IMMP2L: variants seen among roughly 807,000 people sequenced by gnomAD.
The protein encoded by IMMP2L is mitochondrial inner membrane protease subunit 2.
Under a neutral mutation model 19.3 loss-of-function variants are expected in IMMP2L, and 18 were observed. The ratio of observed to expected loss-of-function variants is 0.93; its 90% CI spans 0.64 to 1.38. The LOEUF (loss-of-function observed/expected upper bound fraction) is 1.38. IMMP2L is among the 40% of genes most tolerant of loss of function. IMMP2L has a pLI of 0.00. For missense variants in IMMP2L, 233 were observed against 218.2 expected (o/e 1.07, Z -0.43); for synonymous variants, 76 against 73.0 (o/e 1.04, Z -0.21).
At chr7:111,477,926 T>C (rs750065745) in intron 3 of IMMP2L, among the ~76,000 whole-genome samples, 1 of 152,070 alleles carries the variant, frequency 6.6e-6, no homozygotes, top group Non-Finnish European at 1.5e-5. Flanking sequence ...TTTATCTTCT[T>C]TGGTTTTCAG....
chr7:110,766,250 C>T (rs543098797), intron 5 of IMMP2L, among the ~76,000 whole-genome samples: 113 of 152,150 alleles, frequency 7.4e-4, no homozygotes, highest in Non-Finnish European at 1.5e-3. Flanking sequence ...TCTTAATAAA[C>T]TTGTATTTGA....
chr7:111,136,032 A>ATT (rs545975140), intron 3 of IMMP2L, among the ~76,000 whole-genome samples: 5 of 144,958 alleles, frequency 3.4e-5, no homozygotes, highest in African/African-American at 7.5e-5. Flanking sequence ...TCACCCTACA[A>ATT]TTTTTTTTTT....
At chr7:111,151,667 G>A (rs1311654762) in intron 3 of IMMP2L, among the ~76,000 whole-genome samples, 4 of 152,146 alleles carry the variant, frequency 2.6e-5, no homozygotes, top group African/African-American at 9.7e-5. Flanking sequence ...GGCCAGATGC[G>A]GTGGCTCACG....
chr7:110,990,333 C>T (rs1391587252), intron 3 of IMMP2L, among the ~76,000 whole-genome samples: 1 of 152,096 alleles, frequency 6.6e-6, no homozygotes, highest in Non-Finnish European at 1.5e-5. Flanking sequence ...AAGATTCAAA[C>T]TTAAATATTC....
chr7:111,115,590 A>G (rs1277372673), intron 3 of IMMP2L, among the ~76,000 whole-genome samples: 1 of 152,104 alleles, frequency 6.6e-6, no homozygotes, highest in African/African-American at 2.4e-5. Flanking sequence ...TAGCTGTACT[A>G]TAACTAGATT....
chr7:111,492,958 T>A lies in IMMP2L; in HGVS notation c.136-5617A>T, dbSNP rs550770330. On this transcript the variant is annotated intron_variant, in intron 2 of 5. Transcript: ENST00000405709. The stretch of plus-strand genomic sequence containing the variant: ...TAAGACTCTTCCACTCAGGTGTAAG[T>A]TTCTCAACTGCTGAAACCGTGTCTT... Among the ~76,000 whole-genome samples the A allele has an allele frequency of 5.6e-4, 85 of 152,266 alleles. 2 individuals are homozygous for A. Among genetic ancestry groups the A allele is most frequent in the African/African-American group, 1.9e-3 (79 of 41,556 alleles).
chr7:111,360,392 A>T (rs550361441), intron 3 of IMMP2L, among the ~76,000 whole-genome samples: 24 of 152,186 alleles, frequency 1.6e-4, no homozygotes, highest in Non-Finnish European at 2.8e-4. Flanking sequence ...TCCCAAGTAC[A>T]TACCTGTGTG....
intron 5 of IMMP2L, among the ~76,000 whole-genome samples, chr7:110,748,258 A>G (rs1297655029): frequency 6.6e-6 from 1 of 152,234 alleles, no homozygotes; most frequent in Non-Finnish European, 1.5e-5. Flanking sequence ...GGACACAAAC[A>G]AATGGAAGAA....
chr7:110,818,626 A>G (rs1488372955), intron 5 of IMMP2L, among the ~76,000 whole-genome samples: 1 of 152,148 alleles, frequency 6.6e-6, no homozygotes, highest in Non-Finnish European at 1.5e-5. Flanking sequence ...ATATACCCAA[A>G]GGGTTATAAT....
chr7:111,056,684 T>C (rs2129574029), intron 3 of IMMP2L, among the ~76,000 whole-genome samples: 1 of 152,320 alleles, frequency 6.6e-6, no homozygotes, highest in Non-Finnish European at 1.5e-5. Flanking sequence ...AATTAACACA[T>C]ATTTTGTGCA....
At chr7:111,381,225 A>G (rs557405122) in intron 3 of IMMP2L, among the ~76,000 whole-genome samples, 2 of 152,066 alleles carry the variant, frequency 1.3e-5, no homozygotes, top group Non-Finnish European at 2.9e-5. Context: ...AGCAGATACT[A>G]CTAAGCTGAG....
intron 3 of IMMP2L, among the ~76,000 whole-genome samples, chr7:111,334,115 A>G (rs1047732289): frequency 6.6e-6 from 1 of 152,022 alleles, no homozygotes; most frequent in African/African-American, 2.4e-5. Flanking sequence ...TTGATGTAAA[A>G]TATACATATG....
intron 3 of IMMP2L, among the ~76,000 whole-genome samples, chr7:111,470,220 G>T (rs867605480): frequency 2.0e-5 from 3 of 152,022 alleles, no homozygotes; most frequent in African/African-American, 7.2e-5. Context: ...AAAAGTCAGG[G>T]AACAACAGGT....
At chr7:111,434,908 T>C (rs1464988974) in intron 3 of IMMP2L, among the ~76,000 whole-genome samples, 1 of 151,836 alleles carries the variant, frequency 6.6e-6, no homozygotes, top group Non-Finnish European at 1.5e-5. Flanking sequence ...CAGCCAGTCA[T>C]GACACAAGGT....
intron 1 of IMMP2L, among the ~76,000 whole-genome samples, chr7:111,538,345 T>C (rs558316281): frequency 6.6e-6 from 1 of 152,088 alleles, no homozygotes; most frequent in Non-Finnish European, 1.5e-5. Context: ...TGCCATAAAT[T>C]TTATGTGTGT....
intron 4 of IMMP2L, among the ~76,000 whole-genome samples, chr7:110,906,102 T>C (rs1041606423): frequency 1.3e-5 from 2 of 152,224 alleles, no homozygotes; most frequent in Non-Finnish European, 2.9e-5. Context: ...CACAGTTATC[T>C]CACCACATTT....
chr7:111,007,721 A>G (rs755405257), intron 3 of IMMP2L, among the ~76,000 whole-genome samples: 7 of 152,054 alleles, frequency 4.6e-5, no homozygotes, highest in Non-Finnish European at 1.0e-4. Flanking sequence ...ACATACTTAT[A>G]TATATGCATG....
At chr7:111,182,795 G>A (rs777819633) in intron 3 of IMMP2L, among the ~76,000 whole-genome samples, 4 of 152,008 alleles carry the variant, frequency 2.6e-5, no homozygotes, top group South Asian at 2.1e-4. Flanking sequence ...GCAGAGACAC[G>A]CAAAAGAAAA....
chr7:111,317,996 T>C (rs746905035), intron 3 of IMMP2L, among the ~76,000 whole-genome samples: 5 of 152,154 alleles, frequency 3.3e-5, no homozygotes, highest in Non-Finnish European at 7.4e-5. Flanking sequence ...ATCTGCCCTT[T>C]AATGAGCACC....
Sources: allele counts gnomAD v4.1 joint callset (sites outside exome capture counted in the v4.1 genomes callset), GRCh38; gene constraint gnomAD v4.1.1; transcripts MANE v1.5; gene names NCBI Gene and HGNC (gene_info 2026-07-23, HGNC 2026-07-21).